CDH4: variants seen among roughly 807,000 people sequenced by gnomAD.
CDH4 encodes cadherin-4.
A neutral mutation model predicts 86.0 loss-of-function variants in CDH4; 33 were observed. That is an observed-to-expected ratio of 0.38 (90% CI 0.29 to 0.51). CDH4 has a LOEUF of 0.51. CDH4 is among the 20% of genes least tolerant of loss of function. The probability of loss-of-function intolerance (pLI) is 0.86; values close to 1 mark genes in which losing one functional copy is unlikely to be tolerated. For synonymous variants in CDH4, 555 were observed against 549.4 expected (o/e 1.01, Z -0.14); for missense variants, 1,114 against 1,307.4 (o/e 0.85, Z 2.28).
At chr20:61,698,113 C>G (rs992028173) in intron 2 of CDH4, among the ~76,000 whole-genome samples, 1 of 152,230 alleles carries the variant, frequency 6.6e-6, no homozygotes, top group Admixed American at 6.5e-5. Flanking sequence ...CGTTGCTGGA[C>G]AGCACAGACC....
At chr20:61,671,098 G>A (rs2087381415) in intron 2 of CDH4, among the ~76,000 whole-genome samples, 2 of 151,834 alleles carry the variant, frequency 1.3e-5, no homozygotes, top group African/African-American at 4.9e-5. Flanking sequence ...GGGTAGATGG[G>A]TGGATGGATG....
intron 2 of CDH4, among the ~76,000 whole-genome samples, chr20:61,460,808 A>C (rs1433839810): frequency 6.6e-6 from 1 of 152,206 alleles, no homozygotes; most frequent in Non-Finnish European, 1.5e-5. Context: ...TGGGGGCTTG[A>C]GAAGGTCATC....
chr20:61,257,019 A>C (rs1832936), intron 2 of CDH4, among the ~76,000 whole-genome samples: 13 of 152,372 alleles, frequency 8.5e-5, no homozygotes, highest in African/African-American at 3.1e-4. Flanking sequence ...ACAAGACCAC[A>C]GTGAGGAGGC....
intron 2 of CDH4, among the ~76,000 whole-genome samples, chr20:61,427,385 A>G (rs1045405568): frequency 6.6e-6 from 1 of 152,068 alleles, no homozygotes; most frequent in Non-Finnish European, 1.5e-5. Flanking sequence ...GGCATTAGCA[A>G]TTTTTCTGCA....
intron 13 of CDH4, among the ~76,000 whole-genome samples, chr20:61,932,425 C>T (rs1380379267): frequency 6.6e-6 from 1 of 152,192 alleles, no homozygotes; most frequent in Non-Finnish European, 1.5e-5. Flanking sequence ...CATGCATGCA[C>T]GCACAGACAC....
chr20:61,649,235 C>T (rs554246675), intron 2 of CDH4, among the ~76,000 whole-genome samples: 2 of 152,178 alleles, frequency 1.3e-5, no homozygotes, highest in East Asian at 1.9e-4. Flanking sequence ...ACAGGGCCCC[C>T]CGAGCACGCA....
chr20:61,260,775 G>C (rs2084123768), intron 2 of CDH4, among the ~76,000 whole-genome samples: 1 of 152,212 alleles, frequency 6.6e-6, no homozygotes, highest in African/African-American at 2.4e-5. Flanking sequence ...TTTTCAAGGG[G>C]CCGTTATTGT....
chr20:61,525,471 G>A (rs2085903116), intron 2 of CDH4, among the ~76,000 whole-genome samples: 1 of 152,114 alleles, frequency 6.6e-6, no homozygotes. Flanking sequence ...CGGTGAGCAG[G>A]GTCTGTAGGC....
At chr20:61,583,556 C>T (rs945822672) in intron 2 of CDH4, among the ~76,000 whole-genome samples, 3 of 152,228 alleles carry the variant, frequency 2.0e-5, no homozygotes, top group East Asian at 3.9e-4. Context: ...CCAGTGGGAG[C>T]GGACAAGGCT....
intron 2 of CDH4, among the ~76,000 whole-genome samples, chr20:61,666,471 T>G (rs977389950): frequency 6.6e-6 from 1 of 152,158 alleles, no homozygotes; most frequent in Admixed American, 6.5e-5. Context: ...ATGACTTCCA[T>G]GAAAACAGCC....
At chr20:61,457,935 CTG>C (rs1396455927) in intron 2 of CDH4, among the ~76,000 whole-genome samples, 4 of 142,288 alleles carry the variant, frequency 2.8e-5, no homozygotes, top group Non-Finnish European at 4.5e-5. Context: ...AGTGCTGACA[CTG>C]TGGTGGTAAT....
chr20:61,906,007 T>C (rs2054784449), intron 8 of CDH4, among the ~76,000 whole-genome samples: 1 of 152,118 alleles, frequency 6.6e-6, no homozygotes, highest in African/African-American at 2.4e-5. Flanking sequence ...CCGGCTTTGT[T>C]CTCAGGCTGC....
intron 2 of CDH4, among the ~76,000 whole-genome samples, chr20:61,329,322 G>T (rs2084555864): frequency 6.6e-6 from 1 of 152,310 alleles, no homozygotes; most frequent in Non-Finnish European, 1.5e-5. Context: ...CAGCATGCGT[G>T]GAGGGCACCC....
At chr20:61,845,302 ACGTCTCTCGCGG>A (rs1272138570) in intron 5 of CDH4, among the ~76,000 whole-genome samples, 5 of 152,124 alleles carry the variant, frequency 3.3e-5, no homozygotes, top group Admixed American at 3.3e-4. Context: ...ATTTCCTCCG[ACGTCTCTCGCGG>A]CAGAAAGAGC....
intron 2 of CDH4, among the ~76,000 whole-genome samples, chr20:61,442,073 A>T (rs1293332595): frequency 6.6e-6 from 1 of 152,236 alleles, no homozygotes; most frequent in Non-Finnish European, 1.5e-5. Context: ...ACCCAGACGC[A>T]AATGCCCCAG....
chr20:61,449,653 T>A (rs1040840531), intron 2 of CDH4, among the ~76,000 whole-genome samples: 4 of 152,100 alleles, frequency 2.6e-5, no homozygotes, highest in Admixed American at 6.6e-5. Context: ...AAAAAAAAAA[T>A]GGATAAGACT....
chr20:61,877,770 A>AC (rs1426550529), intron 7 of CDH4, among the ~76,000 whole-genome samples: 1 of 151,822 alleles, frequency 6.6e-6, no homozygotes, highest in East Asian at 1.9e-4. Flanking sequence ...GAAACCTGGG[A>AC]CCCCCATGTG....
At chr20:61,893,255 T>A (rs1600744392) in intron 7 of CDH4, among the ~76,000 whole-genome samples, 3 of 95,260 alleles carry the variant, frequency 3.1e-5, no homozygotes, top group African/African-American at 4.2e-5. Flanking sequence ...GATGGGTGGG[T>A]GGGTGGATGG....
chr20:61,806,441 G>A lies in CDH4; in HGVS notation c.576+33259G>A, dbSNP rs115220352. Among the ~76,000 whole-genome samples, 1,390 of 152,344 alleles carry A rather than the reference G, an allele frequency of 9.1e-3. 18 individuals are homozygous for A. Among genetic ancestry groups the A allele is most frequent in the African/African-American group, 0.031 (1,299 of 41,580 alleles). On this transcript the variant is annotated intron_variant, in intron 4 of 15. Coordinates refer to ENST00000614565, the MANE Select transcript of CDH4 (RefSeq NM_001794.5). The stretch of plus-strand genomic sequence containing the variant: ...AGGGCACCAGAAACACAGTTTGTGC[G>A]GCCGTGCACACCCAGGGTGAGGAGG...
Sources: gnomAD v4.1 joint callset for allele counts (sites outside exome capture counted in the v4.1 genomes callset) on GRCh38, gnomAD v4.1.1 for gene constraint, MANE v1.5 for transcripts, NCBI Gene and HGNC (gene_info 2026-07-23, HGNC 2026-07-21) for gene names.